Variants in ARHGAP32 observed in about 807,000 individuals in gnomAD.
ARHGAP32 encodes Rho GTPase activating protein 32.
Under a neutral mutation model 186.5 loss-of-function variants are expected in ARHGAP32, and 51 were observed. That is an observed-to-expected ratio of 0.27 (90% CI 0.22 to 0.35). The LOEUF (loss-of-function observed/expected upper bound fraction) is 0.35, where lower values mean the gene tolerates loss of function less well. Ranked by LOEUF, ARHGAP32 falls within the 10% of genes least tolerant of loss-of-function variation. The pLI is 1.00. For missense variants in ARHGAP32, 2,186 were observed against 2,623.5 expected, an observed-to-expected ratio of 0.83 and a Z score of 3.64; for synonymous variants, 950 against 964.3, an observed-to-expected ratio of 0.99 and a Z score of 0.27.
intron 6 of ARHGAP32, among the ~76,000 whole-genome samples, chr11:129,093,111 G>A (rs1179463140): frequency 6.6e-6 from 1 of 152,012 alleles, no homozygotes; most frequent in Non-Finnish European, 1.5e-5. Context: ...TTACACCGAA[G>A]AGAAACTTAA....
At chr11:129,149,615 T>C (rs879445817) in intron 2 of ARHGAP32, among the ~76,000 whole-genome samples, 2 of 152,158 alleles carry the variant, frequency 1.3e-5, no homozygotes, top group Non-Finnish European at 1.5e-5. Flanking sequence ...GATCACCCCA[T>C]GGGACAAGGA....
intron 11 of ARHGAP32, among the ~76,000 whole-genome samples, chr11:129,034,860 A>G (rs1422887177): frequency 1.3e-5 from 2 of 151,788 alleles, no homozygotes; most frequent in African/African-American, 2.4e-5. Flanking sequence ...GTAAAAAAAA[A>G]AAAAGAAAAA....
intron 1 of ARHGAP32, among the ~76,000 whole-genome samples, chr11:129,223,095 T>A (rs1168717600): frequency 1.3e-5 from 2 of 152,348 alleles, no homozygotes; most frequent in South Asian, 4.1e-4. Flanking sequence ...GTAATCAATA[T>A]TCTAAAATTA....
At chr11:128,987,598 TG>T (rs1301117691) in intron 13 of ARHGAP32, among the ~76,000 whole-genome samples, 4 of 152,158 alleles carry the variant, frequency 2.6e-5, no homozygotes, top group Non-Finnish European at 4.4e-5. Flanking sequence ...AGAGAAGATT[TG>T]GGGAGGATGT....
intron 1 of ARHGAP32, among the ~76,000 whole-genome samples, chr11:129,183,646 T>C (rs193091861): frequency 1.3e-5 from 2 of 152,256 alleles, no homozygotes; most frequent in East Asian, 1.9e-4. Flanking sequence ...GTTTTGCAGA[T>C]AGGAAAAGTG....
At chr11:129,246,208 G>T (rs905795345) in intron 1 of ARHGAP32, among the ~76,000 whole-genome samples, 1 of 152,056 alleles carries the variant, frequency 6.6e-6, no homozygotes, top group Non-Finnish European at 1.5e-5. Context: ...TTTAAAGAGG[G>T]GTCCCCCTCA....
At position 129,026,861 on chromosome 11, in the gene ARHGAP32, A is replaced by T. The variant is rs1318048143; in HGVS notation, c.1045+14067T>A. On this transcript the variant is annotated intron_variant, in intron 11 of 22. Transcript: ENST00000682385. ...ACACCTGTAACACCAGCACTTTGGG[A>T]GGCTGAGGAGGGCAGATCACAAAGT... Among the ~76,000 whole-genome samples, 3 of 148,188 alleles carry T rather than the reference A, an allele frequency of 2.0e-5. No homozygotes were observed. In the East Asian group the frequency reaches 6.0e-4, roughly 30 times the overall value.
intron 1 of ARHGAP32, among the ~76,000 whole-genome samples, chr11:129,233,975 CA>C (rs1205152426): frequency 6.6e-6 from 1 of 151,744 alleles, no homozygotes; most frequent in African/African-American, 2.4e-5. Context: ...AAAATAATAT[CA>C]GGGGTTCAAT....
intron 12 of ARHGAP32, among the ~76,000 whole-genome samples, chr11:128,996,798 TG>T (rs199747751): frequency 4.8e-4 from 72 of 150,386 alleles, no homozygotes; most frequent in Admixed American, 6.0e-4. Flanking sequence ...TTTTTTTTTT[TG>T]GAGACAAGGT....
At position 128,972,512 on chromosome 11, in the gene ARHGAP32, G is replaced by T; in HGVS notation, c.3994C>A (p.Pro1332Thr). 1 of 1,539,794 alleles carries T rather than the reference G, an allele frequency of 6.5e-7. No homozygotes were observed. The highest frequency in any genetic ancestry group is 1.3e-5 in the South Asian group (1 of 78,942). Residue 1332 changes from proline to threonine, a missense_variant, in exon 22 of 23, where the codon CCA becomes ACA. Physicochemically the swap from Pro to Thr is conservative, Grantham distance 38. This residue lies in a region of ARHGAP32 where 1,502 missense variants were observed against 1,570.0 expected (regional missense o/e 0.96). Transcript: ENST00000682385. The stretch of plus-strand genomic sequence containing the variant: ...GCTTGTACCTGCCCCACAACTGGTG[G>T]CTGCTCTGCAGATCTCTGGGAAGGC... ...PPPSQRSAEQ[P>T]PVVGQVQAAT...
chr11:129,031,841 G>A (rs1253972517), intron 11 of ARHGAP32, among the ~76,000 whole-genome samples: 4 of 152,300 alleles, frequency 2.6e-5, no homozygotes, highest in African/African-American at 7.2e-5. Flanking sequence ...CCTGCCAGCA[G>A]AGCAGTAGAG....
chr11:129,173,544 G>A (rs1943821126), intron 1 of ARHGAP32, among the ~76,000 whole-genome samples: 1 of 152,130 alleles, frequency 6.6e-6, no homozygotes, highest in Non-Finnish European at 1.5e-5. Flanking sequence ...CAATACCTCT[G>A]ATGAACATCG....
chr11:128,989,689 T>C (rs1366606175), intron 12 of ARHGAP32, among the ~76,000 whole-genome samples: 2 of 152,218 alleles, frequency 1.3e-5, no homozygotes, highest in East Asian at 3.9e-4. Context: ...TGAGTATTTC[T>C]CCTAATGTTA....
At chr11:129,004,210 T>C (rs1937643208) in intron 11 of ARHGAP32, among the ~76,000 whole-genome samples, 1 of 151,396 alleles carries the variant, frequency 6.6e-6, no homozygotes, top group South Asian at 2.1e-4. Context: ...TAGTCTGTTG[T>C]GGCCAGAGAT....
chr11:129,074,126 A>C (rs1294340548), intron 6 of ARHGAP32, among the ~76,000 whole-genome samples: 2 of 152,212 alleles, frequency 1.3e-5, no homozygotes, highest in Non-Finnish European at 2.9e-5. Context: ...CAGATCAGAA[A>C]CCTGTAGCTA....
intron 1 of ARHGAP32, among the ~76,000 whole-genome samples, chr11:129,239,788 G>C (rs1944990164): frequency 6.6e-6 from 1 of 151,948 alleles, no homozygotes; most frequent in African/African-American, 2.4e-5. Context: ...TCCTCAATCT[G>C]TGCAAACAGC....
Position 128,974,227 on chromosome 11 carries a change from G to A in ARHGAP32, c.2970C>T (p.Pro990=). 6.2e-7 allele frequency: 1 copy of A among 1,614,114 alleles called. No homozygotes were observed. Among genetic ancestry groups the A allele is most frequent in the African/African-American group, 1.3e-5 (1 of 75,022 alleles). The part of the protein sequence containing the change: ...AQEAYESEVQ[P]LDQVAAEEVE... ...CTTCTTCAGCAGCCACCTGGTCCAGGGGCTGGACTTCAGATTCATATGCTT... is the reference window on the plus strand; with the variant it reads ...CTTCTTCAGCAGCCACCTGGTCCAGAGGCTGGACTTCAGATTCATATGCTT... The change falls in exon 21 of 23, where the codon CCC becomes CCT. Residue 990 remains proline, a synonymous_variant. Transcript: ENST00000682385.
chr11:129,051,394 T>C (rs926393626), intron 10 of ARHGAP32, among the ~76,000 whole-genome samples: 5 of 152,366 alleles, frequency 3.3e-5, no homozygotes, highest in African/African-American at 1.2e-4. Flanking sequence ...TAATGACCAG[T>C]GATGATGAGC....
rs535956698 is a variant in ARHGAP32, at chr11:128,969,904, C to A, written c.5309G>T (p.Arg1770Leu). ...DMEKYRMQSI[R>L]RESRARQKVK... ...CTTCTGCCGAGCACGGCTCTCTCTC[C>A]GGATGGACTGCATGCGGTATTTTTC... Residue 1770 changes from arginine (R) to leucine (L), a missense_variant, in exon 23 of 23, where the codon CGG (arginine) becomes CTG (leucine). Physicochemically the swap from Arg to Leu is moderately radical, Grantham distance 102. Coordinates refer to ENST00000682385, the MANE Select transcript of ARHGAP32 (RefSeq NM_001378024.1). This position sits in a 1 kb window ranked among gnomAD's most constrained non-coding sequence, Gnocchi z 4.8. 17 of 1,614,104 alleles carry A rather than the reference C, an allele frequency of 1.1e-5. No individual in the cohort carries two copies. Among genetic ancestry groups the A allele is most frequent in the Admixed American group, 1.7e-5 (1 of 60,008 alleles).
Sources: gnomAD v4.1 joint callset for allele counts (sites outside exome capture counted in the v4.1 genomes callset) on GRCh38, gnomAD v4.1.1 for gene constraint, gnomAD v4.1.1 regional missense constraint, Gnocchi (gnomAD v3.1) non-coding constraint, MANE v1.5 for transcripts, NCBI Gene and HGNC (gene_info 2026-07-23, HGNC 2026-07-21) for gene names.